Variants in BEND6 observed in about 807,000 individuals in gnomAD.
The protein encoded by BEND6 is BEN domain containing 6.
In BEND6, 24 loss-of-function variants were observed where a neutral mutation model predicts 31.8. That is an observed-to-expected ratio of 0.75 (90% CI 0.55 to 1.06). The LOEUF is 1.06. Ranked by LOEUF, BEND6 falls within the 50% of genes least tolerant of loss-of-function variation. The pLI is 0.00. For missense variants in BEND6, 294 were observed against 327.4 expected (o/e 0.90, Z 0.79); for synonymous variants, 109 against 114.6 (o/e 0.95, Z 0.31).
At chr6:56,984,895 C>T (rs942156620) in intron 2 of BEND6, among the ~76,000 whole-genome samples, 3 of 152,188 alleles carry the variant, frequency 2.0e-5, no homozygotes, top group African/African-American at 7.2e-5. Context: ...ACAGTCTTAC[C>T]TTCTGCTATT....
intron 1 of BEND6, among the ~76,000 whole-genome samples, chr6:56,979,348 A>C (rs1825991544): frequency 6.6e-6 from 1 of 152,210 alleles, no homozygotes; most frequent in Non-Finnish European, 1.5e-5. Context: ...ATGGTTATGC[A>C]ATAAACATCC....
At chr6:57,002,119 G>A (rs1007234441) in intron 3 of BEND6, among the ~76,000 whole-genome samples, 1 of 152,166 alleles carries the variant, frequency 6.6e-6, no homozygotes, top group African/African-American at 2.4e-5. Flanking sequence ...GCAAAGTGGA[G>A]CATTACATAA....
At chr6:57,024,324 T>A (rs1446728269) in intron 6 of BEND6, among the ~76,000 whole-genome samples, 1 of 152,220 alleles carries the variant, frequency 6.6e-6, no homozygotes, top group Admixed American at 6.5e-5. Flanking sequence ...CCTTCAGATG[T>A]TTTGTTCTTG....
At position 57,010,629 on chromosome 6, in the gene BEND6, A is replaced by T. The variant is rs376397715; in HGVS notation, c.299-4504A>T. 4 of 913,776 alleles carry T rather than the reference A, an allele frequency of 4.4e-6. No individual in the cohort carries two copies. In the Admixed American group the frequency reaches 2.5e-4, roughly 57 times the overall value. 56.6% of individuals were successfully genotyped at this position (913,776 alleles called of 1,614,324 possible). A position where few individuals can be genotyped will look rare whatever the true frequency, so the allele number is the denominator to read the frequency against. ...GGGTATAAGTGGATTGAGACTTGCC[A>T]TGAATTGAAATGGGAGAATTTGCTA... On this transcript the variant is annotated intron_variant, in intron 3 of 6. Coordinates refer to ENST00000370746, the MANE Select transcript of BEND6 (RefSeq NM_152731.3).
At chr6:57,000,755 G>C (rs1826905398) in intron 3 of BEND6, among the ~76,000 whole-genome samples, 1 of 151,768 alleles carries the variant, frequency 6.6e-6, no homozygotes, top group African/African-American at 2.4e-5. Flanking sequence ...TCAGCACCTT[G>C]GGTGATGTCT....
At chr6:56,988,845 A>G (rs1826385203) in intron 2 of BEND6, among the ~76,000 whole-genome samples, 1 of 152,126 alleles carries the variant, frequency 6.6e-6, no homozygotes, top group Non-Finnish European at 1.5e-5. Flanking sequence ...CCTGGGCAAT[A>G]TGGCAGAACC....
intron 1 of BEND6, among the ~76,000 whole-genome samples, chr6:56,969,729 CTTTG>C (rs1050416578): frequency 1.3e-5 from 2 of 149,512 alleles, no homozygotes; most frequent in African/African-American, 4.9e-5. Flanking sequence ...GGTTTGGTGA[CTTTG>C]TTTTTTTTTT....
chr6:57,009,676 C>CCATGCAGATGT (rs967338543), intron 3 of BEND6: 2 of 152,138 alleles, frequency 1.3e-5, no homozygotes, highest in Non-Finnish European at 2.9e-5. Context: ...GGAAGTTAGA[C>CCATGCAGATGT]CATGCAGATG....
intron 1 of BEND6, 128 bp from the exon 2 acceptor site, chr6:56,981,583 A>G (rs754965840): frequency 6.0e-6 from 2 of 334,604 alleles, no homozygotes; most frequent in Non-Finnish European, 1.1e-5. Flanking sequence ...GAAAATGTGT[A>G]CTAAATTAAT....
chr6:56,964,958 C>A (rs908294610), intron 1 of BEND6, among the ~76,000 whole-genome samples: 1 of 152,226 alleles, frequency 6.6e-6, no homozygotes, highest in Non-Finnish European at 1.5e-5. Flanking sequence ...TCAACACTTG[C>A]ATTCTCCATC....
At chr6:56,969,760 G>A (rs1395095650) in intron 1 of BEND6, among the ~76,000 whole-genome samples, 2 of 150,888 alleles carry the variant, frequency 1.3e-5, no homozygotes, top group African/African-American at 4.9e-5. Context: ...TTTCAGAGGT[G>A]GCTTTTGAAT....
intron 1 of BEND6, among the ~76,000 whole-genome samples, chr6:56,971,613 C>T (rs1825691350): frequency 2.0e-5 from 3 of 152,188 alleles, no homozygotes; most frequent in Non-Finnish European, 4.4e-5. Context: ...TCCAGTTCCT[C>T]TATATCCTTA....
chr6:57,014,468 A>G, intron 3 of BEND6: 1 of 1,510,718 alleles, frequency 6.6e-7, no homozygotes, highest in South Asian at 1.3e-5. Flanking sequence ...TTAGGAAACA[A>G]ACTAGATATA....
In BEND6 at chr6:56,959,305, CTT is replaced by C. The variant is rs541932608; in HGVS notation, c.-101+3848_-101+3849del. Among the ~76,000 whole-genome samples the C allele has an allele frequency of 1.8e-4, 28 of 152,236 alleles. No individual in the cohort carries two copies. In the South Asian group the frequency reaches 4.4e-3, roughly 24 times the overall value. Reference sequence around the variant, plus strand: ...ACTAGTACTCAGACTTGAAAAATGACTTTTAGGGAAAGATAAGGAATGTCTTG... The same window carrying C: ...ACTAGTACTCAGACTTGAAAAATGACTTAGGGAAAGATAAGGAATGTCTTG... On this transcript the variant is annotated intron_variant, in intron 1 of 6. Coordinates refer to ENST00000370746, the MANE Select transcript of BEND6 (RefSeq NM_152731.3).
At chr6:56,972,587 G>A (rs1342490923) in intron 1 of BEND6, among the ~76,000 whole-genome samples, 1 of 152,162 alleles carries the variant, frequency 6.6e-6, no homozygotes, top group Non-Finnish European at 1.5e-5. Flanking sequence ...CTGTCTATGT[G>A]TGATCTTTCA....
chr6:57,003,174 A>G (rs1827009750), intron 3 of BEND6, among the ~76,000 whole-genome samples: 1 of 152,146 alleles, frequency 6.6e-6, no homozygotes, highest in South Asian at 2.1e-4. Flanking sequence ...GAAACCCTAA[A>G]CAGACTAATA....
At chr6:56,969,013 T>G (rs1245023206) in intron 1 of BEND6, among the ~76,000 whole-genome samples, 1 of 151,284 alleles carries the variant, frequency 6.6e-6, no homozygotes, top group Non-Finnish European at 1.5e-5. Flanking sequence ...AGGCGGAGGT[T>G]GTGTGAGCAG....
At chr6:56,962,168 C>T (rs749113367) in intron 1 of BEND6, among the ~76,000 whole-genome samples, 4 of 152,188 alleles carry the variant, frequency 2.6e-5, no homozygotes, top group Non-Finnish European at 5.9e-5. Context: ...CACAGCAAGA[C>T]AGCAAGACAC....
chr6:57,008,364 G>C (rs1827234024), intron 3 of BEND6: 1 of 628,230 alleles, frequency 1.6e-6, no homozygotes, highest in Non-Finnish European at 2.8e-6. Context: ...TTCATTTCTA[G>C]CTTTGATGTC....
Sources: allele counts gnomAD v4.1 joint callset (sites outside exome capture counted in the v4.1 genomes callset), GRCh38; gene constraint gnomAD v4.1.1; transcripts MANE v1.5; gene names NCBI Gene and HGNC (gene_info 2026-07-23, HGNC 2026-07-21).